RBL2: variants seen among roughly 807,000 people sequenced by gnomAD.
The protein encoded by RBL2 is retinoblastoma-like protein 2.
RBL2 carries 56 observed loss-of-function variants against 126.0 expected under a neutral mutation model. The observed-to-expected ratio is 0.44, with a 90% CI of 0.36 to 0.56. RBL2 has a LOEUF of 0.56. Ranked by LOEUF, RBL2 falls within the 20% of genes least tolerant of loss-of-function variation. The pLI is 0.00. For synonymous variants in RBL2, 454 were observed against 478.5 expected, an observed-to-expected ratio of 0.95 and a Z score of 0.67; for missense variants, 1,229 against 1,398.2, an observed-to-expected ratio of 0.88 and a Z score of 1.93.
intron 14 of RBL2, among the ~76,000 whole-genome samples, chr16:53,469,340 T>G (rs900816274): frequency 9.2e-5 from 14 of 152,246 alleles, no homozygotes; most frequent in African/African-American, 3.1e-4. Flanking sequence ...TATGCTTAAC[T>G]GAATCCAAAT....
At chr16:53,434,846 T>G (rs771595407) in intron 1 of RBL2, 50 bp downstream of exon 1, 8 of 1,437,374 alleles carry the variant, frequency 5.6e-6, no homozygotes, top group African/African-American at 3.0e-5. Context: ...CGTGAACCGG[T>G]GCCTTCCGAG....
intron 3 of RBL2, among the ~76,000 whole-genome samples, chr16:53,444,943 T>C (rs72801820): frequency 0.016 from 2,387 of 152,314 alleles, 32 homozygotes; most frequent in Non-Finnish European, 0.025. Flanking sequence ...TGGGAAGATA[T>C]CTTCTTTCTT....
At chr16:53,489,652 A>G (rs972109386) in intron 21 of RBL2, 5 of 152,258 alleles carry the variant, frequency 3.3e-5, no homozygotes, top group African/African-American at 4.8e-5. Context: ...TACAATGGAT[A>G]CCTTAGGGGG....
intron 8 of RBL2, among the ~76,000 whole-genome samples, chr16:53,457,171 G>T (rs1206168524): frequency 6.6e-6 from 1 of 151,578 alleles, no homozygotes; most frequent in Non-Finnish European, 1.5e-5. Context: ...AGACAGTTGA[G>T]GTATACAAGA....
chr16:53,483,809 A>G (rs1397025579), intron 21 of RBL2, among the ~76,000 whole-genome samples: 2 of 150,384 alleles, frequency 1.3e-5, no homozygotes, highest in African/African-American at 4.9e-5. Flanking sequence ...TCCCGGAGGC[A>G]AAGTTTGCAG....
Position 53,490,134 on chromosome 16 carries a change from T to A in RBL2, c.3254T>A (p.Leu1085Gln), listed in dbSNP as rs1216801462. 6.4e-7 allele frequency: 1 copy of A among 1,574,066 alleles called. No individual in the cohort carries two copies. The highest frequency in any genetic ancestry group is 1.8e-5 in the Admixed American group (1 of 55,464). The change falls in exon 22 of 22, where the codon CTG (leucine) becomes CAG (glutamine). Residue 1085 changes from leucine (L) to glutamine (Q), a missense_variant. This residue lies in a region of RBL2 where 1,070 missense variants were observed against 1,274.3 expected (regional missense o/e 0.84). Transcript: ENST00000262133. ...YYFSNSPSKR[L>Q]REINSMIRTG... The stretch of plus-strand genomic sequence containing the variant: ...TGTATCTTTTTCCCACCATAGAGAC[T>A]GAGAGAAATTAATAGTATGATACGC...
In RBL2 at chr16:53,434,695, C is replaced by G. The variant is rs2057937913; in HGVS notation, c.139C>G (p.Gln47Glu). The change falls in exon 1 of 22, where the codon CAG becomes GAG. Residue 47 changes from glutamine to glutamate, a missense_variant. By Grantham distance (29) the Gln-to-Glu change is conservative. This residue lies in a region of RBL2 where 159 missense variants were observed against 123.9 expected (regional missense o/e 1.28). Transcript: ENST00000262133. ...CGAGTCGCCCACCCCTCAGATCCAGCAGCGGTTCGACGAGCTGTGCAGCCG... is the reference window on the plus strand; with the variant it reads ...CGAGTCGCCCACCCCTCAGATCCAGGAGCGGTTCGACGAGCTGTGCAGCCG... Reference protein sequence around the residue: ...PAESPTPQIQQRFDELCSRLN... With the variant: ...PAESPTPQIQERFDELCSRLN... 6.4e-7 allele frequency: 1 copy of G among 1,571,242 alleles called. No individual in the cohort carries two copies. The highest frequency in any genetic ancestry group is 8.6e-7 in the Non-Finnish European group (1 of 1,168,520).
intron 17 of RBL2, among the ~76,000 whole-genome samples, chr16:53,475,776 C>T (rs1237598429): frequency 6.6e-6 from 1 of 150,488 alleles, no homozygotes; most frequent in African/African-American, 2.4e-5. Flanking sequence ...CTTTTTTCCC[C>T]AAATCCTTTA....
intron 17 of RBL2, 54 bp downstream of exon 17, chr16:53,470,976 AT>A: frequency 1.3e-6 from 2 of 1,510,134 alleles, no homozygotes; most frequent in Non-Finnish European, 9.0e-7. Flanking sequence ...TACTGAGAAC[AT>A]TTTTTAACCA....
At chr16:53,443,890 G>A (rs961341053) in intron 3 of RBL2, among the ~76,000 whole-genome samples, 29 of 152,092 alleles carry the variant, frequency 1.9e-4, no homozygotes, top group African/African-American at 5.3e-4. Context: ...AATATAGATG[G>A]CACCACTGAT....
chr16:53,468,285 T>G (rs1472199952), intron 14 of RBL2, among the ~76,000 whole-genome samples: 1 of 152,142 alleles, frequency 6.6e-6, no homozygotes, highest in Non-Finnish European at 1.5e-5. Context: ...ATGCCTGTAA[T>G]CCCAGCACTG....
At chr16:53,453,999 T>C (rs1389168466) in intron 7 of RBL2, among the ~76,000 whole-genome samples, 1 of 152,188 alleles carries the variant, frequency 6.6e-6, no homozygotes, top group African/African-American at 2.4e-5. Flanking sequence ...AATTTTGAAA[T>C]AAATTCTTTT....
chr16:53,467,262 A>C (rs2058281163), intron 14 of RBL2, 93 bp downstream of exon 14: 1 of 975,742 alleles, frequency 1.0e-6, no homozygotes, highest in Non-Finnish European at 1.6e-6. Context: ...TAGGGTATAC[A>C]TAGAAGAAAA....
At chr16:53,489,877 T>C in intron 21 of RBL2, 1 of 314,426 alleles carries the variant, frequency 3.2e-6, no homozygotes, top group Non-Finnish European at 5.8e-6. Context: ...CATGTATAAT[T>C]GACCTACAGG....
chr16:53,441,618 T>G (rs1469163994), intron 2 of RBL2, among the ~76,000 whole-genome samples: 1 of 152,138 alleles, frequency 6.6e-6, no homozygotes. Context: ...AGAATACCAC[T>G]GAAGTATGAT....
At chr16:53,463,115 A>G (rs2058238500) in intron 11 of RBL2, among the ~76,000 whole-genome samples, 1 of 152,228 alleles carries the variant, frequency 6.6e-6, no homozygotes, top group African/African-American at 2.4e-5. Context: ...TGCTAGGATT[A>G]CAGGCGTGAG....
chr16:53,435,715 A>G, intron 1 of RBL2: 2 of 1,289,146 alleles, frequency 1.6e-6, no homozygotes, highest in Non-Finnish European at 2.0e-6. Flanking sequence ...GAGTCGGGCA[A>G]ATAGGTCCAG....
rs2058198807 is a variant in RBL2 at position 53,459,470 on chromosome 16, C to T, written c.1199C>T (p.Ser400Phe). The T allele has an allele frequency of 6.2e-7, 1 of 1,612,736 alleles. No individual in the cohort carries two copies. Among genetic ancestry groups the T allele is most frequent in the Non-Finnish European group, 8.5e-7 (1 of 1,179,376 alleles). Reference protein sequence around the residue: ...HFDKSKALRISTPLTGVRYIK... With the variant: ...HFDKSKALRIFTPLTGVRYIK... ...CTTTAGTCCAAAGCACTTAGAATCTCCACACCACTAACTGGTGTTAGGTAC... is the reference window on the plus strand; with the variant it reads ...CTTTAGTCCAAAGCACTTAGAATCTTCACACCACTAACTGGTGTTAGGTAC... Residue 400 changes from serine to phenylalanine, a missense_variant, in exon 9 of 22, where the codon TCC becomes TTC. Transcript: ENST00000262133.
rs756763534 is a variant in RBL2, at chr16:53,457,258, C to CTTTT, written c.1180-2177_1180-2174dup. 7.8e-3 allele frequency among the ~76,000 whole-genome samples: 705 copies of CTTTT among 89,910 alleles called. 125 individuals carry two copies. Among genetic ancestry groups the CTTTT allele is most frequent in the African/African-American group, 0.034 (563 of 16,704 alleles). 59.0% of individuals were successfully genotyped at this position (89,910 alleles called of 152,430 possible). ...GGGTCATCAGGGTGGGTACAGATAG[C>CTTTT]TTTTTTTTTTTTTTTTTTTGAGATG... On this transcript the variant is annotated intron_variant, in intron 8 of 21. Coordinates refer to ENST00000262133, the MANE Select transcript of RBL2 (RefSeq NM_005611.4).
Sources: allele counts gnomAD v4.1 joint callset (sites outside exome capture counted in the v4.1 genomes callset), GRCh38; gene constraint gnomAD v4.1.1; regional missense constraint gnomAD v4.1.1; transcripts MANE v1.5; gene names NCBI Gene and HGNC (gene_info 2026-07-23, HGNC 2026-07-21).